Variants in GPRC5B observed in about 807,000 individuals in gnomAD.
GPRC5B encodes G protein-coupled receptor class C group 5 member B.
In GPRC5B, 16 loss-of-function variants were observed where a neutral mutation model predicts 30.1. That is an observed-to-expected ratio of 0.53 (90% confidence interval 0.36 to 0.81). The LOEUF is 0.81. Ranked by LOEUF, GPRC5B falls within the 30% of genes least tolerant of loss-of-function variation. GPRC5B has a pLI of 0.01. For missense variants in GPRC5B, 428 were observed against 544.7 expected, an observed-to-expected ratio of 0.79 and a Z score of 2.13; for synonymous variants, 241 against 239.5, an observed-to-expected ratio of 1.01 and a Z score of -0.06.
intron 2 of GPRC5B, among the ~76,000 whole-genome samples, chr16:19,868,990 C>T (rs1453805540): frequency 6.6e-6 from 1 of 152,074 alleles, no homozygotes; most frequent in South Asian, 2.1e-4. Context: ...CAAGATTTAC[C>T]TCATTAGGTG....
chr16:19,878,394 C>T (rs1351044434), intron 1 of GPRC5B, among the ~76,000 whole-genome samples: 1 of 151,850 alleles, frequency 6.6e-6, no homozygotes, highest in Non-Finnish European at 1.5e-5. Context: ...CAACCTCTGC[C>T]TCCTGGGCTC....
In GPRC5B at chr16:19,872,485, T is replaced by C. The variant is rs2056729820; in HGVS notation, c.361A>G (p.Ile121Val). ...FAFIIQEDET[I>V]CSVRRFLWGV... Reference sequence around the variant, plus strand: ...CAGAGGAAGCGGCGGACAGAGCAGATGGTCTCGTCCTCCTGGATGATGAAG... The same window carrying C: ...CAGAGGAAGCGGCGGACAGAGCAGACGGTCTCGTCCTCCTGGATGATGAAG... Residue 121 changes from isoleucine (I) to valine (V), a missense_variant, in exon 2 of 4, where the codon ATC becomes GTC. By Grantham distance (29) the Ile-to-Val change is conservative (BLOSUM62 3). This residue lies in a region of GPRC5B where 196 missense variants were observed against 272.6 expected (regional missense o/e 0.72). Coordinates refer to ENST00000300571, the MANE Select transcript of GPRC5B (RefSeq NM_016235.3). This position sits in a 1 kb window ranked among gnomAD's most constrained non-coding sequence, Gnocchi z 5.0. 6.2e-7 allele frequency: 1 copy of C among 1,613,702 alleles called. No individual in the cohort carries two copies. The highest frequency in any genetic ancestry group is 1.3e-5 in the African/African-American group (1 of 74,910).
chr16:19,880,763 C>T (rs1597636028), intron 1 of GPRC5B, among the ~76,000 whole-genome samples: 2 of 152,344 alleles, frequency 1.3e-5, no homozygotes, highest in East Asian at 3.9e-4. Flanking sequence ...CAGCCATTCT[C>T]TTGGGAACCA....
chr16:19,881,412 T>G (rs562567414), intron 1 of GPRC5B, among the ~76,000 whole-genome samples: 1 of 151,582 alleles, frequency 6.6e-6, no homozygotes, highest in South Asian at 2.1e-4. Flanking sequence ...TATAAATAAA[T>G]ACAACAAGAA....
chr16:19,880,894 C>T (rs1255373725), intron 1 of GPRC5B: 1 of 109,686 alleles, frequency 9.1e-6, no homozygotes, highest in Non-Finnish European at 2.3e-5. Context: ...TGTGTCCCCT[C>T]GACCCCAGCC....
chr16:19,864,752 A>C (rs1486510045), intron 2 of GPRC5B, among the ~76,000 whole-genome samples: 1 of 152,194 alleles, frequency 6.6e-6, no homozygotes. Flanking sequence ...CTAAAATACA[A>C]GCTGGCTGAG....
rs937833297 is a variant in GPRC5B at position 19,861,759 on chromosome 16, G to A, written c.1167+78C>T. ...CCACATGGGCAGCCTCCATGGAGGA[G>A]TATGTCCCTGTTGAAGCTGCTCCCC... On this transcript the variant is annotated intron_variant, in intron 3 of 3. Coordinates refer to ENST00000300571, the MANE Select transcript of GPRC5B (RefSeq NM_016235.3). 17 of 1,246,524 alleles carry A rather than the reference G, an allele frequency of 1.4e-5. No homozygotes were observed. The African/African-American group carries it at 2.2e-4, about 16-fold the overall frequency. The allele number at this position is 1,246,524 out of a possible 1,614,324, so 77.2% of individuals were successfully genotyped here.
At chr16:19,884,936 C>A (rs1249526351), upstream of GPRC5B, 1 of 919,284 alleles carries the variant, frequency 1.1e-6, no homozygotes. Context: ...CCCCCGCCCC[C>A]GGCCGGCCCC....
At chr16:19,877,004 C>T (rs140372066) in intron 1 of GPRC5B, among the ~76,000 whole-genome samples, 19 of 152,308 alleles carry the variant, frequency 1.2e-4, no homozygotes, top group Admixed American at 3.3e-4. Context: ...CGTGAGAATC[C>T]GCTCTAGGAT....
At chr16:19,861,740 G>A (rs1597622422) in intron 3 of GPRC5B, 97 bp downstream of exon 3, 1 of 1,005,676 alleles carries the variant, frequency 9.9e-7, no homozygotes, top group South Asian at 1.5e-5. Flanking sequence ...CAGGCCACAT[G>A]GGCAGCCTCC....
chr16:19,868,256 C>G (rs906482042), intron 2 of GPRC5B, among the ~76,000 whole-genome samples: 1 of 151,768 alleles, frequency 6.6e-6, no homozygotes, highest in Non-Finnish European at 1.5e-5. Flanking sequence ...CGGCTATAAT[C>G]CCAGCTACCC....
intron 1 of GPRC5B, among the ~76,000 whole-genome samples, chr16:19,875,881 A>G (rs559886355): frequency 1.3e-5 from 2 of 152,206 alleles, no homozygotes; most frequent in South Asian, 2.1e-4. Flanking sequence ...GAGAAACATC[A>G]TCCTAGCACA....
chr16:19,869,637 C>T (rs577598547), intron 2 of GPRC5B, among the ~76,000 whole-genome samples: 1 of 152,142 alleles, frequency 6.6e-6, no homozygotes, highest in East Asian at 1.9e-4. Flanking sequence ...TAGGACCTCA[C>T]TTCTGAAGCC....
Position 19,872,725 on chromosome 16 carries a change from G to T in GPRC5B, c.121C>A (p.Leu41Ile). Residue 41 changes from leucine (L) to isoleucine (I), a missense_variant, in exon 2 of 4, where the codon CTC becomes ATC. Leu to Ile is a conservative substitution (Grantham distance 5). This residue lies in a region of GPRC5B where 196 missense variants were observed against 272.6 expected (regional missense o/e 0.72). Coordinates refer to ENST00000300571, the MANE Select transcript of GPRC5B (RefSeq NM_016235.3). This position sits in a 1 kb window ranked among gnomAD's most constrained non-coding sequence, Gnocchi z 5.0. ...ASTSRGCGLD[L>I]LPQYVSLCDL... ...CACAGGGACACGTACTGAGGGAGGAGGTCCAGCCCACAGCCTCGGGATGTG... is the reference window on the plus strand; with the variant it reads ...CACAGGGACACGTACTGAGGGAGGATGTCCAGCCCACAGCCTCGGGATGTG... 2 of 1,613,842 alleles carry T rather than the reference G, an allele frequency of 1.2e-6. No individual in the cohort carries two copies. Among genetic ancestry groups the T allele is most frequent in the Non-Finnish European group, 1.7e-6 (2 of 1,180,030 alleles).
rs560169648 is a variant in GPRC5B at position 19,869,160 on chromosome 16, C to A, written c.1030+2656G>T. Among the ~76,000 whole-genome samples the A allele has an allele frequency of 2.6e-5, 4 of 151,938 alleles. No individual in the cohort carries two copies. The South Asian group carries it at 8.4e-4, about 32-fold the overall frequency. On this transcript the variant is annotated intron_variant, in intron 2 of 3. Transcript: ENST00000300571. ...CCTGGGCAACATGGTGAAACCCTGT[C>A]TCTACTAAAAATACAAAAATTAGCC...
At chr16:19,878,840 C>T (rs577953541) in intron 1 of GPRC5B, among the ~76,000 whole-genome samples, 5 of 152,314 alleles carry the variant, frequency 3.3e-5, no homozygotes, top group African/African-American at 9.6e-5. Context: ...GAGAGGTTTA[C>T]ATCGAAGTTT....
chr16:19,861,722 G>T, intron 3 of GPRC5B, 115 bp downstream of exon 3: 2 of 783,570 alleles, frequency 2.6e-6, no homozygotes, highest in African/African-American at 1.7e-5. Flanking sequence ...GAGCTGTGGC[G>T]GTCCTTGCAG....
At chr16:19,878,960 TG>T (rs1170419273) in intron 1 of GPRC5B, among the ~76,000 whole-genome samples, 1 of 152,134 alleles carries the variant, frequency 6.6e-6, no homozygotes, top group Non-Finnish European at 1.5e-5. Context: ...GCAGGCGATG[TG>T]GGGGTGTACT....
intron 1 of GPRC5B, among the ~76,000 whole-genome samples, chr16:19,878,228 A>AAACAAACAAAC (rs1567211735): frequency 9.1e-5 from 12 of 131,370 alleles, no homozygotes; most frequent in Non-Finnish European, 1.6e-4. Flanking sequence ...AACAAACAAA[A>AAACAAACAAAC]AAACCCAAAG....
Sources: gnomAD v4.1 joint callset for allele counts (sites outside exome capture counted in the v4.1 genomes callset) on GRCh38, gnomAD v4.1.1 for gene constraint, gnomAD v4.1.1 regional missense constraint, Gnocchi (gnomAD v3.1) non-coding constraint, MANE v1.5 for transcripts, NCBI Gene and HGNC (gene_info 2026-07-23, HGNC 2026-07-21) for gene names.